PDZD4: variants seen among roughly 807,000 people sequenced by gnomAD.
The protein encoded by PDZD4 is PDZ domain containing 4.
Under a neutral mutation model 38.5 loss-of-function variants are expected in PDZD4, and 9 were observed. The observed-to-expected ratio is 0.23, with a 90% CI of 0.14 to 0.41. The LOEUF is 0.41. Ranked by LOEUF, PDZD4 falls within the 10% of genes least tolerant of loss-of-function variation. The probability of loss-of-function intolerance (pLI) is 1.00; values close to 1 mark genes in which losing one functional copy is unlikely to be tolerated. For missense variants in PDZD4, 612 were observed against 722.0 expected (o/e 0.85, Z 1.75); for synonymous variants, 349 against 315.7 (o/e 1.11, Z -1.12).
intron 5 of PDZD4, among the ~76,000 whole-genome samples, 185 bp downstream of exon 5, chrX:153,805,886 C>T (rs1273235215): frequency 1.8e-5 from 2 of 111,982 alleles, no homozygotes; most frequent in African/African-American, 6.5e-5. Context: ...CATAGGCACA[C>T]GGGAGCCACT....
chrX:153,818,485 A>G (rs960030914), intron 1 of PDZD4, among the ~76,000 whole-genome samples: 10 of 111,716 alleles, frequency 9.0e-5, no homozygotes, highest in Non-Finnish European at 1.7e-4. Context: ...TTTAAAAAGC[A>G]AAAGCATGAG....
intron 3 of PDZD4, among the ~76,000 whole-genome samples, 189 bp downstream of exon 3, chrX:153,807,090 A>C (rs1033100545): frequency 5.3e-5 from 6 of 112,934 alleles, no homozygotes; most frequent in Admixed American, 1.9e-4. Flanking sequence ...CACAGGACAC[A>C]GAAGACAGAC....
At chrX:153,829,661 C>T in intron 1 of PDZD4, 1 of 726,602 alleles carries the variant, frequency 1.4e-6, no homozygotes, top group Non-Finnish European at 1.6e-6. Flanking sequence ...CTGGTCCACG[C>T]CCCGCAAAGC....
intron 1 of PDZD4, among the ~76,000 whole-genome samples, chrX:153,812,826 C>T (rs1439279378): frequency 9.1e-6 from 1 of 110,056 alleles, no homozygotes; most frequent in Non-Finnish European, 1.9e-5. Flanking sequence ...CCCGCCCCAC[C>T]CCCAACCATC....
chrX:153,804,970 G>A, intron 7 of PDZD4, 70 bp from the exon 8 acceptor site: 1 of 1,129,493 alleles, frequency 8.9e-7, no homozygotes, highest in African/African-American at 1.8e-5. Flanking sequence ...GTCACAGGAG[G>A]ATCGGAAGGG....
intron 1 of PDZD4, among the ~76,000 whole-genome samples, chrX:153,809,428 A>C (rs1459739377): frequency 8.9e-6 from 1 of 112,213 alleles, no homozygotes; most frequent in Non-Finnish European, 1.9e-5. Context: ...TCTACTAAAA[A>C]TACAAAAAAT....
intron 3 of PDZD4, among the ~76,000 whole-genome samples, 164 bp from the exon 4 acceptor site, chrX:153,807,004 G>A (rs1339958208): frequency 8.9e-6 from 1 of 112,234 alleles, no homozygotes; most frequent in Admixed American, 9.4e-5. Context: ...CCCGCTTTGA[G>A]GGTCTCTCTT....
intron 1 of PDZD4, chrX:153,829,963 C>A (rs782204935): frequency 1.0e-5 from 8 of 797,581 alleles, no homozygotes; most frequent in African/African-American, 2.2e-5. Flanking sequence ...GAACTGCGCT[C>A]GTTGCTATGC....
At position 153,818,918 on chromosome X, in the gene PDZD4, G is replaced by A. The variant is rs1035576523; in HGVS notation, c.61-10323C>T. Among the ~76,000 whole-genome samples, 4 of 112,243 alleles carry A rather than the reference G, an allele frequency of 3.6e-5. No homozygotes were observed. In the South Asian group the frequency reaches 1.1e-3, roughly 31 times the overall value. ...CAGGGACAGGGGAGGGGGCAACACC[G>A]GGCAGGCGAGGCAGGCATGACGCGA... On this transcript the variant is annotated intron_variant, in intron 1 of 7. Transcript: ENST00000393758.
rs782369085 is a variant in PDZD4 at position 153,814,801 on chromosome X, G to A, written c.61-6206C>T. 9.9e-5 allele frequency among the ~76,000 whole-genome samples: 11 copies of A among 111,168 alleles called. No individual in the cohort carries two copies. In the South Asian group the frequency reaches 4.1e-3, roughly 42 times the overall value. ...TCCCGTGCCATCCTGACCACGTGCT[G>A]GGCATCATGCTTCACCTTAGCGAGG... On this transcript the variant is annotated intron_variant, in intron 1 of 7. Coordinates refer to ENST00000393758, the MANE Select transcript of PDZD4 (RefSeq NM_001303512.2).
At chrX:153,807,244 C>G (rs888224333) in intron 3 of PDZD4, 35 bp downstream of exon 3, 13 of 1,190,747 alleles carry the variant, frequency 1.1e-5, no homozygotes, top group Non-Finnish European at 1.5e-5. Context: ...GCTCCCGCAG[C>G]TGGCTGCGGG....
chrX:153,804,138 G>T lies in PDZD4; in HGVS notation c.1543C>A (p.Pro515Thr). Residue 515 changes from proline to threonine, a missense_variant, in exon 8 of 8, where the codon CCC becomes ACC. By Grantham distance (38) the Pro-to-Thr change is conservative. This residue lies in a region of PDZD4 where 300 missense variants were observed against 284.6 expected (regional missense o/e 1.05). Transcript: ENST00000393758. ...NSNLNRTPPG[P>T]AVATPAKAAP... ...GCCTTGGCGGGGGTGGCAACAGCGGGGCCGGGAGGGGTCCGGTTCAAGTTG... is the reference window on the plus strand; with the variant it reads ...GCCTTGGCGGGGGTGGCAACAGCGGTGCCGGGAGGGGTCCGGTTCAAGTTG... The T allele has an allele frequency of 8.7e-7, 1 of 1,150,794 alleles. No individual in the cohort carries two copies. The highest frequency in any genetic ancestry group is 1.2e-6 in the Non-Finnish European group (1 of 867,258). The allele number at this position is 1,150,794 out of a possible 1,213,427, so 94.8% of individuals were successfully genotyped here.
chrX:153,803,891 C>T lies in PDZD4; in HGVS notation c.1790G>A (p.Arg597Gln), dbSNP rs782655711. The T allele has an allele frequency of 5.9e-6, 7 of 1,180,152 alleles. No individual in the cohort carries two copies. In the Admixed American group the frequency reaches 9.3e-5, roughly 16 times the overall value. The change falls in exon 8 of 8, where the codon CGA (arginine) becomes CAA (glutamine). Residue 597 changes from arginine to glutamine, a missense_variant. Arg to Gln is a conservative substitution (Grantham distance 43). Around this residue, in one of 3 missense-constraint regions of PDZD4, gnomAD observed 300 missense variants for 284.6 expected, o/e 1.05. Transcript: ENST00000393758. The part of the protein sequence containing the change: ...YHSCVQLAPT[R>Q]GLEELGHGPL... Reference sequence around the variant, plus strand: ...GCCGTGGCCCAGCTCCTCCAGGCCTCGCGTCGGGGCCAGCTGCACGCAGCT... The same window carrying T: ...GCCGTGGCCCAGCTCCTCCAGGCCTTGCGTCGGGGCCAGCTGCACGCAGCT...
Position 153,803,247 on chromosome X carries a change from G to A in PDZD4, c.*106C>T, listed in dbSNP as rs113447867. The A allele has an allele frequency of 8.1e-5, 47 of 576,877 alleles. No homozygotes were observed. The African/African-American group carries it at 9.4e-4, about 12-fold the overall frequency. The allele number at this position is 576,877 out of a possible 1,213,427, so 47.5% of individuals were successfully genotyped here. On this transcript the variant is annotated 3_prime_UTR_variant, in exon 8 of 8. Transcript: ENST00000393758. Reference sequence around the variant, plus strand: ...GAGGAGATGTGTGCGTGCGCACAGCGAGCACGCGCGCGCGCACACACACAC... The same window carrying A: ...GAGGAGATGTGTGCGTGCGCACAGCAAGCACGCGCGCGCGCACACACACAC...
chrX:153,804,862 G>A lies in PDZD4; in HGVS notation c.819C>T (p.Gly273=), dbSNP rs781994449. The A allele has an allele frequency of 3.3e-6, 4 of 1,209,439 alleles. No homozygotes were observed. In the Admixed American group the frequency reaches 6.5e-5, roughly 20 times the overall value. The change falls in exon 8 of 8, where the codon GGC becomes GGT. Residue 273 remains glycine, a synonymous_variant. Coordinates refer to ENST00000393758, the MANE Select transcript of PDZD4 (RefSeq NM_001303512.2). ...NEEEKGAPDA[G]PGLSNSQELD... ...GCTCCTGGCTGTTGCTCAGGCCTGG[G>A]CCGGCATCGGGAGCCCCCTTCTCCT...
chrX:153,830,072 A>T, intron 1 of PDZD4, 167 bp downstream of exon 1: 3 of 559,340 alleles, frequency 5.4e-6, no homozygotes, highest in Non-Finnish European at 7.6e-6. Flanking sequence ...GCTGGTTCCC[A>T]CGGAGCGCCA....
intron 1 of PDZD4, among the ~76,000 whole-genome samples, chrX:153,821,762 G>A (rs1387610537): frequency 1.8e-5 from 2 of 111,633 alleles, no homozygotes; most frequent in African/African-American, 6.5e-5. Context: ...TTCTGCATGA[G>A]GGCATCTTTC....
chrX:153,807,744 C>A, intron 2 of PDZD4: 1 of 665,895 alleles, frequency 1.5e-6, no homozygotes, highest in Non-Finnish European at 1.9e-6. Flanking sequence ...AGGAGTTATC[C>A]AGGCCCTGGA....
rs2092184326 is a variant in PDZD4, at chrX:153,803,173, T to G, written c.*180A>C. 1 of 322,962 alleles carries G rather than the reference T, an allele frequency of 3.1e-6. No individual in the cohort carries two copies. Among genetic ancestry groups the G allele is most frequent in the Admixed American group, 5.6e-5 (1 of 17,730 alleles). The allele number at this position is 322,962 out of a possible 1,213,427, so 26.6% of individuals were successfully genotyped here. ...GCAGAAGGAAGAAAAGCGTCCCTTCTCCTCAGGGGCTTCTCTCTGCTAACA... is the reference window on the plus strand; with the variant it reads ...GCAGAAGGAAGAAAAGCGTCCCTTCGCCTCAGGGGCTTCTCTCTGCTAACA... On this transcript the variant is annotated 3_prime_UTR_variant, in exon 8 of 8. Transcript: ENST00000393758.
Sources: gnomAD v4.1 joint callset for allele counts (sites outside exome capture counted in the v4.1 genomes callset) on GRCh38, gnomAD v4.1.1 for gene constraint, gnomAD v4.1.1 regional missense constraint, MANE v1.5 for transcripts, NCBI Gene and HGNC (gene_info 2026-07-23, HGNC 2026-07-21) for gene names.